Variants in ZNF568 observed in about 807,000 individuals in gnomAD.
ZNF568 encodes zinc finger protein 568.
In ZNF568, 11 loss-of-function variants were observed where a neutral mutation model predicts 18.1. The observed-to-expected ratio is 0.61, with a 90% CI of 0.38 to 1.00. ZNF568 has a LOEUF of 1.00. ZNF568 is among the 50% of genes least tolerant of loss of function. The pLI is 0.01. For missense variants in ZNF568, 639 were observed against 768.2 expected (o/e 0.83, Z 1.99); for synonymous variants, 213 against 246.6 (o/e 0.86, Z 1.28).
chr19:36,976,267 G>A (rs1224089548), intron 7 of ZNF568: 2 of 151,978 alleles, frequency 1.3e-5, no homozygotes, highest in East Asian at 3.9e-4. Flanking sequence ...ACTACTAACA[G>A]AAGTAGCTAA....
chr19:36,974,632 ATTTTGCAAACATTGTCTCATCTGATC>A (rs2074265517), intron 7 of ZNF568, among the ~76,000 whole-genome samples: 1 of 152,134 alleles, frequency 6.6e-6, no homozygotes, highest in South Asian at 2.1e-4. Context: ...AGGGCTGTCT[ATTTTGCAAACATTGTCTCATCTGATC>A]TAGAATTTCC....
chr19:36,918,380 T>G (rs1326960956), intron 2 of ZNF568, among the ~76,000 whole-genome samples: 1 of 152,222 alleles, frequency 6.6e-6, no homozygotes, highest in African/African-American at 2.4e-5. Flanking sequence ...CCCTACATCC[T>G]TCTTTATACA....
At chr19:36,973,159 C>A (rs1453665447) in intron 6 of ZNF568, 2 of 152,480 alleles carry the variant, frequency 1.3e-5, no homozygotes, top group African/African-American at 4.8e-5. Flanking sequence ...TCCCAGGGGG[C>A]CCCGCGGCCA....
At chr19:36,947,534 T>C (rs890614817) in intron 6 of ZNF568, among the ~76,000 whole-genome samples, 1 of 152,208 alleles carries the variant, frequency 6.6e-6, no homozygotes, top group African/African-American at 2.4e-5. Context: ...CCTCAGCCTT[T>C]ACGGGATGGA....
At chr19:36,967,471 G>A (rs4806386) in intron 6 of ZNF568, among the ~76,000 whole-genome samples, 28,434 of 152,024 alleles carry the variant, frequency 0.19, 2,732 homozygotes, top group African/African-American at 0.24. Flanking sequence ...GCTGAGGCAC[G>A]AGAATCACTT....
intron 4 of ZNF568, among the ~76,000 whole-genome samples, chr19:36,995,880 A>G (rs2074466193): frequency 6.6e-6 from 1 of 152,210 alleles, no homozygotes; most frequent in African/African-American, 2.4e-5. Flanking sequence ...ACATATTTAT[A>G]CATTATAAGC....
intron 6 of ZNF568, among the ~76,000 whole-genome samples, chr19:36,974,013 T>TGCA (rs780751222): frequency 5.9e-5 from 9 of 152,162 alleles, no homozygotes; most frequent in Non-Finnish European, 1.0e-4. Context: ...AAGTCCCTGC[T>TGCA]ATATCCACTT....
chr19:36,945,229 G>GTGTC (rs1331218370), intron 6 of ZNF568, among the ~76,000 whole-genome samples: 8 of 150,652 alleles, frequency 5.3e-5, no homozygotes, highest in African/African-American at 1.7e-4. Flanking sequence ...GTGTGTGTGT[G>GTGTC]TGTGTGTGTG....
At chr19:36,968,536 C>CT (rs2074211615) in intron 6 of ZNF568, among the ~76,000 whole-genome samples, 1 of 137,456 alleles carries the variant, frequency 7.3e-6, no homozygotes, top group Non-Finnish European at 1.5e-5. Context: ...GAGCAAGACT[C>CT]TGTCTCCAAA....
At chr19:36,944,535 A>T (rs901384657) in intron 6 of ZNF568, among the ~76,000 whole-genome samples, 6 of 152,042 alleles carry the variant, frequency 3.9e-5, no homozygotes, top group African/African-American at 1.4e-4. Flanking sequence ...TCCTTAATTC[A>T]TATATATTTC....
intron 4 of ZNF568, 42 bp downstream of exon 4, chr19:36,925,300 G>A (rs755561933): frequency 1.9e-6 from 3 of 1,577,318 alleles, no homozygotes; most frequent in Non-Finnish European, 2.6e-6. Context: ...TTATTTTGCA[G>A]TGCAGTTACG....
At chr19:36,932,922 T>C (rs1466402332) in intron 4 of ZNF568, among the ~76,000 whole-genome samples, 1 of 152,218 alleles carries the variant, frequency 6.6e-6, no homozygotes, top group Non-Finnish European at 1.5e-5. Flanking sequence ...TCTGTACATA[T>C]TCAAGTGTCA....
chr19:36,982,811 T>C (rs2074342655), downstream of ZNF568, among the ~76,000 whole-genome samples: 1 of 152,226 alleles, frequency 6.6e-6, no homozygotes, highest in Non-Finnish European at 1.5e-5. Context: ...ACACCTTTAT[T>C]GGGAAAAACC....
At chr19:36,971,413 A>C (rs1693254643) in intron 6 of ZNF568, among the ~76,000 whole-genome samples, 1 of 152,074 alleles carries the variant, frequency 6.6e-6, no homozygotes, top group Non-Finnish European at 1.5e-5. Context: ...AATACTTAAG[A>C]ATTTTTTTTA....
chr19:36,991,455 C>T, intron 3 of ZNF568: 1 of 1,101,914 alleles, frequency 9.1e-7, no homozygotes, highest in African/African-American at 1.6e-5. Context: ...TGGTTTGTCT[C>T]TTGTGAAGTT....
At chr19:36,956,622 G>A (rs1056341037), downstream of ZNF568, among the ~76,000 whole-genome samples, 1 of 151,126 alleles carries the variant, frequency 6.6e-6, no homozygotes, top group Non-Finnish European at 1.5e-5. Context: ...TTTTGAGACA[G>A]GGTGTCACTC....
chr19:36,922,134 T>C (rs1297334815), intron 2 of ZNF568, among the ~76,000 whole-genome samples: 3 of 152,188 alleles, frequency 2.0e-5, no homozygotes, highest in African/African-American at 7.2e-5. Context: ...CTGTGGGAAG[T>C]GTCTTCACTG....
intron 6 of ZNF568, among the ~76,000 whole-genome samples, chr19:36,937,944 C>G (rs2073817508): frequency 6.6e-6 from 1 of 152,176 alleles, no homozygotes; most frequent in East Asian, 1.9e-4. Context: ...TCCTCTTATC[C>G]TGGACATGGT....
intron 4 of ZNF568, among the ~76,000 whole-genome samples, chr19:36,995,198 G>A (rs2074459471): frequency 6.6e-6 from 1 of 151,954 alleles, no homozygotes; most frequent in Admixed American, 6.6e-5. Context: ...AGGTGTTTGA[G>A]ACCAGTCTGG....
Sources: allele counts gnomAD v4.1 joint callset (sites outside exome capture counted in the v4.1 genomes callset), GRCh38; gene constraint gnomAD v4.1.1; transcripts MANE v1.5; gene names NCBI Gene and HGNC (gene_info 2026-07-23, HGNC 2026-07-21).